The following UNC45B variants were observed in gnomAD, a reference collection of about 807,000 sequenced individuals.
The protein encoded by UNC45B is unc-45 myosin chaperone B.
UNC45B carries 78 observed loss-of-function variants against 98.7 expected under a neutral mutation model. The ratio of observed to expected loss-of-function variants is 0.79; its 90% CI spans 0.66 to 0.95. UNC45B has a LOEUF of 0.95. Ranked by LOEUF, UNC45B falls within the 40% of genes least tolerant of loss-of-function variation. The pLI is 0.00. For missense variants in UNC45B, 1,225 were observed against 1,184.9 expected, an observed-to-expected ratio of 1.03 and a Z score of -0.50; for synonymous variants, 462 against 480.4, an observed-to-expected ratio of 0.96 and a Z score of 0.50.
intron 14 of UNC45B, among the ~76,000 whole-genome samples, chr17:35,175,087 G>GAAAGAAAGAAAGAAAGAAAGAA (rs746415209): frequency 1.1e-5 from 1 of 93,822 alleles, no homozygotes; most frequent in African/African-American, 5.4e-5. Context: ...AAGAAAGAAA[G>GAAAGAAAGAAAGAAAGAAAGAA]AGAAAGAAAG....
intron 15 of UNC45B, among the ~76,000 whole-genome samples, chr17:35,176,704 A>G (rs2092236341): frequency 6.6e-6 from 1 of 152,152 alleles, no homozygotes; most frequent in African/African-American, 2.4e-5. Context: ...AAAACAAACA[A>G]ACAAAAGGAT....
intron 17 of UNC45B, among the ~76,000 whole-genome samples, chr17:35,177,924 G>T (rs771336316): frequency 1.4e-5 from 2 of 141,788 alleles, no homozygotes; most frequent in South Asian, 4.3e-4. Context: ...TATCAAGACC[G>T]AGTCTTGCTC....
At chr17:35,172,676 C>T (rs1301931889) in intron 13 of UNC45B, among the ~76,000 whole-genome samples, 1 of 152,192 alleles carries the variant, frequency 6.6e-6, no homozygotes, top group Admixed American at 6.5e-5. Flanking sequence ...CCCCACCACT[C>T]CTCACTCTGA....
intron 19 of UNC45B, 89 bp from the exon 20 acceptor site, chr17:35,186,210 T>C (rs2092302242): frequency 6.5e-7 from 1 of 1,543,730 alleles, no homozygotes; most frequent in Non-Finnish European, 8.8e-7. Context: ...CCTCCTAACA[T>C]TGCCACACCA....
intron 8 of UNC45B, among the ~76,000 whole-genome samples, chr17:35,161,054 C>T (rs1365999262): frequency 4.6e-5 from 7 of 152,168 alleles, no homozygotes; most frequent in Non-Finnish European, 8.8e-5. Context: ...GCTAAATGCC[C>T]AAACCCCACT....
Position 35,180,548 on chromosome 17 carries a change from T to G in UNC45B, c.2256-11T>G, listed in dbSNP as rs780442309. 3 of 1,611,284 alleles carry G rather than the reference T, an allele frequency of 1.9e-6. No individual in the cohort carries two copies. Among genetic ancestry groups the G allele is most frequent in the South Asian group, 2.2e-5 (2 of 90,946 alleles). On this transcript the variant is annotated splice_polypyrimidine_tract_variant and intron_variant, in intron 17 of 19. Transcript: ENST00000394570. Reference sequence around the variant, plus strand: ...CTCAAGGGTCTTTCTTCCTCCACCCTCCTACCCTAGGCAGAAGATCTTTAA... The same window carrying G: ...CTCAAGGGTCTTTCTTCCTCCACCCGCCTACCCTAGGCAGAAGATCTTTAA...
chr17:35,161,151 A>G (rs1157289094), intron 8 of UNC45B, among the ~76,000 whole-genome samples: 2 of 152,228 alleles, frequency 1.3e-5, no homozygotes, highest in African/African-American at 4.8e-5. Context: ...ACCAGGATCT[A>G]GGCTCATCCA....
At chr17:35,171,207 C>G in intron 12 of UNC45B, 115 bp from the exon 13 acceptor site, 1 of 1,361,836 alleles carries the variant, frequency 7.3e-7, no homozygotes, top group South Asian at 1.4e-5. Context: ...TGGGCCCTAC[C>G]AGCTGCACTC....
At chr17:35,171,977 A>G (rs905525361) in intron 13 of UNC45B, among the ~76,000 whole-genome samples, 5 of 150,996 alleles carry the variant, frequency 3.3e-5, no homozygotes, top group African/African-American at 1.2e-4. Flanking sequence ...TTGCCAGCCA[A>G]TAAAATCATT....
chr17:35,152,378 T>C (rs539808702), intron 4 of UNC45B, among the ~76,000 whole-genome samples: 7 of 152,168 alleles, frequency 4.6e-5, no homozygotes, highest in Non-Finnish European at 8.8e-5. Flanking sequence ...GGTCACTTTA[T>C]GGAGGACCCA....
rs767178787 is a variant in UNC45B at position 35,169,934 on chromosome 17, A to G, written c.1547+3A>G. ...AAACTGGCCAAACAGTGTCGCAAGT[A>G]AGGGGGCTGTGTTTCCCAGGCCCTC... is the stretch of plus-strand genomic sequence containing the variant. On this transcript the variant is annotated splice_donor_region_variant and intron_variant, in intron 11 of 19. Transcript: ENST00000394570. 6.2e-7 allele frequency: 1 copy of G among 1,614,146 alleles called. No homozygotes were observed. The highest frequency in any genetic ancestry group is 1.7e-5 in the Admixed American group (1 of 60,018).
At chr17:35,177,652 A>C (rs912453252) in intron 17 of UNC45B, 42 bp downstream of exon 17, 3 of 1,436,606 alleles carry the variant, frequency 2.1e-6, no homozygotes, top group East Asian at 2.5e-5. Context: ...GAGGTGGCTC[A>C]AAAAGTGTTT....
intron 5 of UNC45B, 67 bp downstream of exon 5, chr17:35,153,049 G>A (rs1039719958): frequency 2.3e-5 from 32 of 1,391,446 alleles, no homozygotes; most frequent in Non-Finnish European, 2.7e-5. Flanking sequence ...ACATCATTCC[G>A]AGGGGGAAGG....
chr17:35,152,555 T>C (rs2092027925), intron 4 of UNC45B, among the ~76,000 whole-genome samples: 1 of 152,210 alleles, frequency 6.6e-6, no homozygotes, highest in African/African-American at 2.4e-5. Flanking sequence ...TTCTGTTTTA[T>C]CCCTATTTAA....
intron 18 of UNC45B, among the ~76,000 whole-genome samples, chr17:35,183,048 A>G (rs569763235): frequency 2.0e-4 from 30 of 151,886 alleles, no homozygotes; most frequent in Middle Eastern, 3.4e-3. Flanking sequence ...AAATCATTTT[A>G]TGGAAGACCC....
intron 19 of UNC45B, among the ~76,000 whole-genome samples, chr17:35,185,639 C>T (rs925202111): frequency 2.0e-5 from 3 of 152,066 alleles, no homozygotes; most frequent in Non-Finnish European, 4.4e-5. Context: ...CGTACTTGCC[C>T]TGCATCCACT....
Position 35,168,119 on chromosome 17 carries a change from G to C in UNC45B, c.1210G>C (p.Gly404Arg). 1 of 1,587,250 alleles carries C rather than the reference G, an allele frequency of 6.3e-7. No individual in the cohort carries two copies. The highest frequency in any genetic ancestry group is 8.6e-7 in the Non-Finnish European group (1 of 1,166,196). ...CTTGAATGCCATCCAGACAGTGTCA[G>C]GGATCCTGCAGGGCCCCTTTGACCT... ...KNLNAIQTVS[G>R]ILQGPFDLGN... The change falls in exon 10 of 20, where the codon GGG (glycine) becomes CGG (arginine). Residue 404 changes from glycine to arginine, a missense_variant. By Grantham distance (125) the Gly-to-Arg change is moderately radical. Coordinates refer to ENST00000394570, the MANE Select transcript of UNC45B (RefSeq NM_001267052.2).
intron 11 of UNC45B, 33 bp from the exon 12 acceptor site, chr17:35,170,081 C>T (rs1165540676): frequency 1.9e-6 from 3 of 1,601,948 alleles, no homozygotes; most frequent in South Asian, 2.2e-5. Context: ...AGCCCTGGGC[C>T]CCTTCCCATG....
chr17:35,177,429 T>C, intron 16 of UNC45B, 66 bp from the exon 17 acceptor site: 1 of 1,190,992 alleles, frequency 8.4e-7, no homozygotes, highest in Non-Finnish European at 1.2e-6. Context: ...GCTGGTCACC[T>C]ATAAATGTGA....
Sources: gnomAD v4.1 joint callset for allele counts (sites outside exome capture counted in the v4.1 genomes callset) on GRCh38, gnomAD v4.1.1 for gene constraint, MANE v1.5 for transcripts, NCBI Gene and HGNC (gene_info 2026-07-23, HGNC 2026-07-21) for gene names.